Variants in CRY1 observed in about 807,000 individuals in gnomAD.
CRY1 encodes the protein cryptochrome-1.
In CRY1, 45 loss-of-function variants were observed where a neutral mutation model predicts 76.0. The observed-to-expected ratio is 0.59, with a 90% CI of 0.47 to 0.76. CRY1 has a LOEUF of 0.76. Among genes scored for constraint, CRY1 ranks in the 30% least tolerant of loss-of-function variants. CRY1 has a pLI of 0.00. For missense variants in CRY1, 587 were observed against 716.4 expected (o/e 0.82, Z 2.06); for synonymous variants, 248 against 244.0 (o/e 1.02, Z -0.15).
At position 107,053,736 on chromosome 12, in the gene CRY1, G is replaced by A. The variant is rs529955170; in HGVS notation, c.159-31544C>T. On this transcript the variant is annotated intron_variant, in intron 1 of 12. Coordinates refer to ENST00000008527, the MANE Select transcript of CRY1 (RefSeq NM_004075.5). ...CAACAGACAGGTTTCAAGGAGCACT[G>A]TAAATCCAAGAGAAGTAAATACAAA... Among the ~76,000 whole-genome samples the A allele has an allele frequency of 3.7e-4, 57 of 152,338 alleles. 1 individual carries two copies. The highest frequency in any genetic ancestry group is 1.3e-3 in the African/African-American group (56 of 41,576).
At chr12:107,091,098 G>C (rs1359289321) in intron 1 of CRY1, among the ~76,000 whole-genome samples, 1 of 151,232 alleles carries the variant, frequency 6.6e-6, no homozygotes, top group Non-Finnish European at 1.5e-5. Flanking sequence ...GGAGTGCAGT[G>C]GCACGATCTC....
intron 1 of CRY1, among the ~76,000 whole-genome samples, chr12:107,056,277 T>C (rs574875725): frequency 4.6e-5 from 7 of 152,318 alleles, no homozygotes; most frequent in Non-Finnish European, 8.8e-5. Flanking sequence ...TTTTGTGAGG[T>C]TGCCTTGGCA....
At chr12:107,067,202 G>A (rs1243266813) in intron 1 of CRY1, among the ~76,000 whole-genome samples, 4 of 152,050 alleles carry the variant, frequency 2.6e-5, no homozygotes, top group Non-Finnish European at 5.9e-5. Context: ...TTTTTAAAGG[G>A]CTGCATAAAA....
chr12:107,040,909 T>C (rs1008394595), intron 1 of CRY1, among the ~76,000 whole-genome samples: 3 of 150,102 alleles, frequency 2.0e-5, no homozygotes, highest in Non-Finnish European at 4.4e-5. Context: ...ATGGATGCTA[T>C]ATAAACCTTT....
At chr12:107,074,743 G>A (rs1055086551) in intron 1 of CRY1, among the ~76,000 whole-genome samples, 7 of 152,196 alleles carry the variant, frequency 4.6e-5, no homozygotes, top group African/African-American at 9.7e-5. Flanking sequence ...AGCTGGGCTC[G>A]ATGGCTCACG....
rs556239741 is a variant in CRY1, at chr12:107,057,661, C to G, written c.158+35143G>C. 2.0e-5 allele frequency among the ~76,000 whole-genome samples: 3 copies of G among 152,026 alleles called. No individual in the cohort carries two copies. In the South Asian group the frequency reaches 6.3e-4, roughly 32 times the overall value. The stretch of plus-strand genomic sequence containing the variant: ...TGGGAGGATCACCTGAGTCCAGGAG[C>G]TGGGGGCCACAGTGGACTATCATCA... On this transcript the variant is annotated intron_variant, in intron 1 of 12. Transcript: ENST00000008527.
rs1593498107 is a variant in CRY1, at chr12:107,007,191, C to T, written c.268-1943G>A. On this transcript the variant is annotated intron_variant, in intron 2 of 12. Transcript: ENST00000008527. ...ACTAAGATGAGAATAGAAAAGCATT[C>T]TATTTCTTTGTTTTATAGTGAGGTA... Among the ~76,000 whole-genome samples the T allele has an allele frequency of 3.3e-5, 5 of 152,254 alleles. 1 individual carries two copies. Among genetic ancestry groups the T allele is most frequent in the Admixed American group, 3.3e-4 (5 of 15,294 alleles).
At chr12:107,083,686 G>A (rs186106196) in intron 1 of CRY1, among the ~76,000 whole-genome samples, 9 of 152,152 alleles carry the variant, frequency 5.9e-5, no homozygotes, top group East Asian at 5.8e-4. Flanking sequence ...TTGATGGAAC[G>A]TTACTCAGAA....
chr12:107,022,344 A>G, intron 1 of CRY1, 152 bp from the exon 2 acceptor site: 1 of 369,296 alleles, frequency 2.7e-6, no homozygotes, highest in Non-Finnish European at 4.9e-6. Context: ...AACCATACTA[A>G]TATATATTTT....
rs779655669 is a variant in CRY1 at position 106,997,675 on chromosome 12, G to T, written c.1305C>A (p.Val435=). The T allele has an allele frequency of 6.2e-6, 10 of 1,613,852 alleles. No individual in the cohort carries two copies. In the East Asian group the frequency reaches 2.0e-4, roughly 32 times the overall value. Residue 435 remains valine, a synonymous_variant, in exon 9 of 13, where the codon GTC becomes GTA. Transcript: ENST00000008527. ...NGDYIRRYLP[V]LRGFPAKYIY... The stretch of plus-strand genomic sequence containing the variant: ...TATATTTTGCAGGGAAGCCTCTTAG[G>T]ACAGGCAAATAACGCCTTTGGGAGA...
chr12:107,089,779 G>A (rs572862118), intron 1 of CRY1, among the ~76,000 whole-genome samples: 2 of 152,186 alleles, frequency 1.3e-5, no homozygotes, highest in Middle Eastern at 3.4e-3. Context: ...AGGAATTTGG[G>A]CATTATCCCA....
At chr12:107,059,424 C>T (rs1381992819) in intron 1 of CRY1, among the ~76,000 whole-genome samples, 1 of 151,694 alleles carries the variant, frequency 6.6e-6, no homozygotes, top group Non-Finnish European at 1.5e-5. Context: ...ATTTTTTTTC[C>T]GTTTTTTTAG....
intron 1 of CRY1, among the ~76,000 whole-genome samples, chr12:107,090,663 T>C (rs1251150286): frequency 6.6e-6 from 1 of 152,202 alleles, no homozygotes; most frequent in Non-Finnish European, 1.5e-5. Flanking sequence ...AAACAGTGCC[T>C]GGCATATAGT....
intron 2 of CRY1, among the ~76,000 whole-genome samples, chr12:107,009,888 T>C (rs1304040587): frequency 6.6e-6 from 1 of 152,050 alleles, no homozygotes; most frequent in Non-Finnish European, 1.5e-5. Flanking sequence ...ATCAGGGTTA[T>C]GCTGTCCTCA....
rs1444288959 is a variant in CRY1 at position 106,998,048 on chromosome 12, G to A, written c.1156C>T (p.Leu386Phe). 2 of 1,614,024 alleles carry A rather than the reference G, an allele frequency of 1.2e-6. No homozygotes were observed. The highest frequency in any genetic ancestry group is 1.7e-5 in the Admixed American group (1 of 60,008). ...EGMKVFEELL[L>F]DADWSINAGS... ...GCATTTATGCTCCAATCTGCATCAA[G>A]CAATAATTCTTCAAATACCTTCAGA... Residue 386 changes from leucine (L) to phenylalanine (F), a missense_variant, in exon 8 of 13, where the codon CTT (leucine) becomes TTT (phenylalanine). Physicochemically the swap from Leu to Phe is conservative, Grantham distance 22. Transcript: ENST00000008527.
At chr12:107,002,176 T>C (rs751704523) in intron 3 of CRY1, among the ~76,000 whole-genome samples, 44 of 152,030 alleles carry the variant, frequency 2.9e-4, no homozygotes, top group Non-Finnish European at 5.4e-4. Flanking sequence ...ACTACACAAA[T>C]ATACTACACA....
intron 3 of CRY1, 44 bp from the exon 4 acceptor site, chr12:107,001,992 A>G: frequency 6.6e-7 from 1 of 1,503,772 alleles, no homozygotes; most frequent in East Asian, 2.5e-5. Context: ...TAAAAAAGAC[A>G]ATACATTTTG....
At chr12:107,061,784 T>A (rs1003179152) in intron 1 of CRY1, among the ~76,000 whole-genome samples, 21 of 152,178 alleles carry the variant, frequency 1.4e-4, no homozygotes, top group Admixed American at 3.3e-4. Flanking sequence ...CACTAGCATA[T>A]CATTAATTTC....
chr12:107,029,799 A>G (rs533171988), intron 1 of CRY1, among the ~76,000 whole-genome samples: 1 of 152,318 alleles, frequency 6.6e-6, no homozygotes, highest in South Asian at 2.1e-4. Context: ...CTGAATATGT[A>G]TATTATGTAA....
Sources: allele counts gnomAD v4.1 joint callset (sites outside exome capture counted in the v4.1 genomes callset), GRCh38; gene constraint gnomAD v4.1.1; transcripts MANE v1.5; gene names NCBI Gene and HGNC (gene_info 2026-07-23, HGNC 2026-07-21).